The following FAM168A variants were observed in gnomAD, a reference collection of about 807,000 sequenced individuals.
FAM168A encodes family with sequence similarity 168 member A.
Under a neutral mutation model 28.5 loss-of-function variants are expected in FAM168A, and 3 were observed. That is an observed-to-expected ratio of 0.11 (90% CI 0.05 to 0.27). The LOEUF is 0.27. Among genes scored for constraint, FAM168A ranks in the 10% least tolerant of loss-of-function variants. FAM168A has a pLI of 1.00. For synonymous variants in FAM168A, 122 were observed against 124.2 expected (o/e 0.98, Z 0.12); for missense variants, 222 against 311.5 (o/e 0.71, Z 2.16).
At chr11:73,551,549 A>G (rs7932453) in intron 1 of FAM168A, among the ~76,000 whole-genome samples, 2,415 of 152,340 alleles carry the variant, frequency 0.016, 63 homozygotes, top group African/African-American at 0.056. Context: ...TTCAATAGCC[A>G]TTCCGGATTT....
chr11:73,417,447 G>GT (rs1359949513), intron 4 of FAM168A, among the ~76,000 whole-genome samples: 1 of 152,060 alleles, frequency 6.6e-6, no homozygotes, highest in Non-Finnish European at 1.5e-5. Flanking sequence ...ATGTTTAGAT[G>GT]TAAGAGAGAA....
chr11:73,475,277 G>C lies in FAM168A; in HGVS notation c.-18-6785C>G, dbSNP rs866159655. ...AAATTCTTTGAAAAATTTACCATTT[G>C]AAAAATGGTAAAAATGGTAAATTTT... On this transcript the variant is annotated intron_variant, in intron 1 of 7. Transcript: ENST00000356467. 2.6e-5 allele frequency among the ~76,000 whole-genome samples: 4 copies of C among 151,982 alleles called. No homozygotes were observed. In the Middle Eastern group the frequency reaches 0.014, roughly 517 times the overall value.
At chr11:73,453,359 T>G (rs1867467273) in intron 2 of FAM168A, among the ~76,000 whole-genome samples, 1 of 152,200 alleles carries the variant, frequency 6.6e-6, no homozygotes, top group Non-Finnish European at 1.5e-5. Flanking sequence ...TCTCTGTGAT[T>G]CCATGGGAAG....
intron 1 of FAM168A, among the ~76,000 whole-genome samples, chr11:73,551,386 A>C (rs1318501092): frequency 6.6e-6 from 1 of 152,222 alleles, no homozygotes; most frequent in Non-Finnish European, 1.5e-5. Context: ...ATCTGATACA[A>C]ATAGTTTTAA....
At chr11:73,460,343 C>T (rs1250732189) in intron 2 of FAM168A, among the ~76,000 whole-genome samples, 1 of 151,940 alleles carries the variant, frequency 6.6e-6, no homozygotes, top group Non-Finnish European at 1.5e-5. Flanking sequence ...TCTGCTGTAA[C>T]CTCCTTCATT....
rs1294404948 is a variant in FAM168A at position 73,402,231 on chromosome 11, A to G, written c.*4532T>C. The G allele has an allele frequency of 6.6e-6, 1 of 152,254 alleles. No homozygotes were observed. Among genetic ancestry groups the G allele is most frequent in the Non-Finnish European group, 1.5e-5 (1 of 68,052 alleles). The allele number at this position is 152,254 out of a possible 1,614,324, so 9.4% of individuals were successfully genotyped here. ...ACTGCAATTGAGGAGGAATTCTGATACAGATGGTGATATATAAGACAAAGT... is the reference window on the plus strand; with the variant it reads ...ACTGCAATTGAGGAGGAATTCTGATGCAGATGGTGATATATAAGACAAAGT... On this transcript the variant is annotated 3_prime_UTR_variant, in exon 8 of 8. Transcript: ENST00000356467.
intron 1 of FAM168A, among the ~76,000 whole-genome samples, chr11:73,544,042 G>A (rs1422438747): frequency 6.6e-6 from 1 of 152,136 alleles, no homozygotes; most frequent in Non-Finnish European, 1.5e-5. Context: ...TGAGGCAGGA[G>A]GATCACTTGA....
intron 1 of FAM168A, among the ~76,000 whole-genome samples, chr11:73,482,521 T>C (rs1867981485): frequency 6.6e-6 from 1 of 151,960 alleles, no homozygotes; most frequent in Non-Finnish European, 1.5e-5. Flanking sequence ...TGAGGGAATG[T>C]GAAGAAATAC....
At chr11:73,597,708 T>C (rs1417910827) in intron 1 of FAM168A, among the ~76,000 whole-genome samples, 57 of 149,144 alleles carry the variant, frequency 3.8e-4, no homozygotes, top group Non-Finnish European at 7.3e-4. Flanking sequence ...CCTCCTCCCT[T>C]GTCGCCCGCC....
At chr11:73,576,592 G>A (rs1287550176) in intron 1 of FAM168A, among the ~76,000 whole-genome samples, 1 of 152,146 alleles carries the variant, frequency 6.6e-6, no homozygotes, top group African/African-American at 2.4e-5. Flanking sequence ...GTGTTGGAGT[G>A]TACAGGCTCT....
intron 1 of FAM168A, among the ~76,000 whole-genome samples, chr11:73,580,690 T>C (rs1474700139): frequency 6.6e-6 from 1 of 152,232 alleles, no homozygotes; most frequent in Non-Finnish European, 1.5e-5. Context: ...CTTATGTCAC[T>C]AATAAAATGT....
At chr11:73,583,565 G>A (rs1308539618) in intron 1 of FAM168A, among the ~76,000 whole-genome samples, 4 of 152,168 alleles carry the variant, frequency 2.6e-5, no homozygotes, top group African/African-American at 9.7e-5. Flanking sequence ...CAGAGATGGG[G>A]TACCCAATCC....
intron 3 of FAM168A, among the ~76,000 whole-genome samples, chr11:73,428,320 C>A (rs760230796): frequency 3.7e-4 from 57 of 152,208 alleles, no homozygotes; most frequent in Non-Finnish European, 8.1e-4. Flanking sequence ...TTCAACCCTA[C>A]ATTCACTTCT....
chr11:73,594,781 G>A (rs907333278), intron 1 of FAM168A, among the ~76,000 whole-genome samples: 20 of 152,034 alleles, frequency 1.3e-4, no homozygotes, highest in Middle Eastern at 3.4e-3. Context: ...CACCCACCTC[G>A]GCCTCCCAAA....
At chr11:73,413,573 C>A (rs1282352549) in intron 4 of FAM168A, among the ~76,000 whole-genome samples, 1 of 152,164 alleles carries the variant, frequency 6.6e-6, no homozygotes, top group Non-Finnish European at 1.5e-5. Context: ...ATTTACTTAT[C>A]TATAAAATAA....
At chr11:73,426,860 T>C (rs933226574) in intron 3 of FAM168A, among the ~76,000 whole-genome samples, 5 of 152,176 alleles carry the variant, frequency 3.3e-5, no homozygotes, top group African/African-American at 1.2e-4. Flanking sequence ...AACGCTACCC[T>C]CTCTTATGGA....
At chr11:73,565,867 A>G (rs1012264070) in intron 1 of FAM168A, among the ~76,000 whole-genome samples, 4 of 152,252 alleles carry the variant, frequency 2.6e-5, no homozygotes, top group Non-Finnish European at 4.4e-5. Flanking sequence ...GCATCCAATT[A>G]AGTAATAACA....
intron 1 of FAM168A, among the ~76,000 whole-genome samples, chr11:73,573,109 T>G (rs979166279): frequency 1.5e-4 from 23 of 152,306 alleles, no homozygotes; most frequent in African/African-American, 5.3e-4. Context: ...TGTGCTCACC[T>G]GAGAGACACC....
chr11:73,526,913 C>T (rs986961636), intron 1 of FAM168A, among the ~76,000 whole-genome samples: 3 of 123,598 alleles, frequency 2.4e-5, no homozygotes, highest in African/African-American at 8.6e-5. Context: ...ATGAAACAAA[C>T]TGAAACAGTT....
Sources: gnomAD v4.1 joint callset for allele counts (sites outside exome capture counted in the v4.1 genomes callset) on GRCh38, gnomAD v4.1.1 for gene constraint, MANE v1.5 for transcripts, NCBI Gene and HGNC (gene_info 2026-07-23, HGNC 2026-07-21) for gene names.